The following POU6F2 variants were observed in gnomAD, a reference collection of about 807,000 sequenced individuals.
The protein encoded by POU6F2 is POU class 6 homeobox 2, also known as POU domain, class 6, transcription factor 2.
In POU6F2, 31 loss-of-function variants were observed where a neutral mutation model predicts 71.3. The observed-to-expected ratio is 0.43, with a 90% CI of 0.33 to 0.59. The LOEUF (loss-of-function observed/expected upper bound fraction) is 0.59, where lower values mean the gene tolerates loss of function less well. POU6F2 is among the 20% of genes least tolerant of loss of function. The pLI is 0.04. For missense variants in POU6F2, 783 were observed against 856.8 expected, an observed-to-expected ratio of 0.91 and a Z score of 1.07; for synonymous variants, 347 against 355.7, an observed-to-expected ratio of 0.98 and a Z score of 0.27.
chr7:39,076,483 C>A (rs1791006520), intron 1 of POU6F2, among the ~76,000 whole-genome samples: 1 of 151,976 alleles, frequency 6.6e-6, no homozygotes, highest in Admixed American at 6.6e-5. Flanking sequence ...ACCTGCACGT[C>A]CTGCACATGT....
At chr7:39,185,151 G>A (rs1004771244) in intron 2 of POU6F2, among the ~76,000 whole-genome samples, 1 of 152,076 alleles carries the variant, frequency 6.6e-6, no homozygotes, top group Non-Finnish European at 1.5e-5. Context: ...AGTTATGATG[G>A]CTGCAAGTAC....
chr7:39,406,819 A>AGTGATATG, intron 6 of POU6F2, 79 bp downstream of exon 6: 1 of 1,537,626 alleles, frequency 6.5e-7, no homozygotes, highest in Non-Finnish European at 8.9e-7. Flanking sequence ...TTTGCATGAC[A>AGTGATATG]GTGATATGTA....
chr7:39,116,466 G>A (rs1791932580), intron 2 of POU6F2, among the ~76,000 whole-genome samples: 1 of 152,100 alleles, frequency 6.6e-6, no homozygotes, highest in African/African-American at 2.4e-5. Context: ...AAGGTGCCAG[G>A]TACTTTGCTA....
chr7:39,185,086 A>T (rs1359108591), intron 2 of POU6F2, among the ~76,000 whole-genome samples: 2 of 152,190 alleles, frequency 1.3e-5, no homozygotes, highest in Non-Finnish European at 2.9e-5. Flanking sequence ...CAGCTTCATA[A>T]ATAATATAGA....
At chr7:39,124,879 C>T (rs1792112210) in intron 2 of POU6F2, among the ~76,000 whole-genome samples, 1 of 152,118 alleles carries the variant, frequency 6.6e-6, no homozygotes, top group African/African-American at 2.4e-5. Flanking sequence ...TTATTTTTCT[C>T]TTCTTCCGTT....
intron 1 of POU6F2, among the ~76,000 whole-genome samples, chr7:38,994,681 C>T (rs1038808384): frequency 5.9e-5 from 9 of 151,974 alleles, no homozygotes; most frequent in African/African-American, 1.2e-4. Context: ...GTTTTGTTTT[C>T]CCCACTTCCC....
chr7:39,376,402 T>C (rs1361142399), intron 5 of POU6F2, among the ~76,000 whole-genome samples: 1 of 152,042 alleles, frequency 6.6e-6, no homozygotes, highest in South Asian at 2.1e-4. Flanking sequence ...GGGGTATTCA[T>C]AGGAGGAGAA....
At chr7:39,241,163 G>A (rs1282131971) in intron 4 of POU6F2, among the ~76,000 whole-genome samples, 1 of 152,110 alleles carries the variant, frequency 6.6e-6, no homozygotes, top group African/African-American at 2.4e-5. Context: ...CTGGCAAGAG[G>A]TCTGGGATAT....
At position 38,984,613 on chromosome 7, in the gene POU6F2, G is replaced by A. The variant is rs935585307; in HGVS notation, c.105+6555G>A. ...ATTAAAAAACAAAGTCTAAGAAAAGGCCTCACAGTGCTTGTGCTGTACACA... is the reference window on the plus strand; with the variant it reads ...ATTAAAAAACAAAGTCTAAGAAAAGACCTCACAGTGCTTGTGCTGTACACA... On this transcript the variant is annotated intron_variant, in intron 1 of 9. Coordinates refer to ENST00000518318, the MANE Select transcript of POU6F2 (RefSeq NM_001370959.1). 2.0e-5 allele frequency among the ~76,000 whole-genome samples: 3 copies of A among 152,046 alleles called. 1 individual carries two copies. In the Middle Eastern group the frequency reaches 9.5e-3, roughly 481 times the overall value.
chr7:39,182,107 A>G (rs546256937), intron 2 of POU6F2, among the ~76,000 whole-genome samples: 1 of 152,340 alleles, frequency 6.6e-6, no homozygotes, highest in East Asian at 1.9e-4. Context: ...TAAAGCACAT[A>G]AGATGTTTCA....
chr7:39,331,201 C>T (rs1450699168), intron 4 of POU6F2, among the ~76,000 whole-genome samples: 1 of 152,170 alleles, frequency 6.6e-6, no homozygotes, highest in Non-Finnish European at 1.5e-5. Context: ...AGGTTGATTC[C>T]ATATCTTGGC....
intron 1 of POU6F2, among the ~76,000 whole-genome samples, chr7:38,990,135 CTTCTAAA>C (rs1304157335): frequency 6.6e-6 from 1 of 151,958 alleles, no homozygotes; most frequent in East Asian, 1.9e-4. Flanking sequence ...TATGTTGGCA[CTTCTAAA>C]TTCATTTTTA....
At chr7:39,094,581 C>T (rs1791418391) in intron 2 of POU6F2, among the ~76,000 whole-genome samples, 3 of 151,966 alleles carry the variant, frequency 2.0e-5, no homozygotes, top group South Asian at 4.2e-4. Context: ...TATTATTAAT[C>T]TCCTTTTGCA....
At chr7:39,191,137 T>C (rs896628486) in intron 2 of POU6F2, among the ~76,000 whole-genome samples, 1 of 152,198 alleles carries the variant, frequency 6.6e-6, no homozygotes, top group East Asian at 1.9e-4. Flanking sequence ...TTCTAAGATA[T>C]ACGGCCTTTT....
At chr7:39,442,232 T>G (rs1025266391) in intron 7 of POU6F2, among the ~76,000 whole-genome samples, 1 of 152,200 alleles carries the variant, frequency 6.6e-6, no homozygotes, top group African/African-American at 2.4e-5. Context: ...ACAGATGCCA[T>G]GAGCTCTTCC....
intron 4 of POU6F2, among the ~76,000 whole-genome samples, chr7:39,216,183 A>G (rs76088630): frequency 1.3e-5 from 2 of 152,214 alleles, no homozygotes; most frequent in East Asian, 1.9e-4. Context: ...ATTGGAAACT[A>G]TATGACAAGG....
chr7:39,066,014 A>G (rs1790747570), intron 1 of POU6F2, among the ~76,000 whole-genome samples: 1 of 151,820 alleles, frequency 6.6e-6, no homozygotes, highest in Admixed American at 6.6e-5. Flanking sequence ...TTTTATTTAT[A>G]AAGGTATCAA....
intron 2 of POU6F2, among the ~76,000 whole-genome samples, chr7:39,171,129 C>A (rs1793212129): frequency 6.7e-6 from 1 of 149,754 alleles, no homozygotes; most frequent in South Asian, 2.1e-4. Context: ...ACCTATAAAC[C>A]CATCATCTAG....
At chr7:39,403,900 G>C (rs1025616856) in intron 5 of POU6F2, among the ~76,000 whole-genome samples, 2 of 152,206 alleles carry the variant, frequency 1.3e-5, no homozygotes, top group African/African-American at 4.8e-5. Flanking sequence ...TGCACCCACT[G>C]TCTGTGCACA....
Sources: gnomAD v4.1 joint callset for allele counts (sites outside exome capture counted in the v4.1 genomes callset) on GRCh38, gnomAD v4.1.1 for gene constraint, MANE v1.5 for transcripts, NCBI Gene and HGNC (gene_info 2026-07-23, HGNC 2026-07-21) for gene names.